MGAT4C: variants seen among roughly 807,000 people sequenced by gnomAD.
MGAT4C encodes the protein alpha-1,3-mannosyl-glycoprotein 4-beta-N-acetylglucosaminyltransferase C.
Under a neutral mutation model 40.1 loss-of-function variants are expected in MGAT4C, and 19 were observed. That is an observed-to-expected ratio of 0.47 (90% CI 0.33 to 0.70). The LOEUF is 0.70. Among genes scored for constraint, MGAT4C ranks in the 30% least tolerant of loss-of-function variants. The pLI is 0.02. For synonymous variants in MGAT4C, 181 were observed against 187.1 expected (o/e 0.97, Z 0.27); for missense variants, 491 against 563.2 (o/e 0.87, Z 1.30).
intron 3 of MGAT4C, among the ~76,000 whole-genome samples, chr12:86,432,078 T>C (rs1957049873): frequency 6.6e-6 from 1 of 151,946 alleles, no homozygotes; most frequent in African/African-American, 2.4e-5. Flanking sequence ...AAAACAAAGT[T>C]AGGAGAGTGT....
chr12:86,323,686 A>G lies in MGAT4C; in HGVS notation c.-57+10379T>C, dbSNP rs561045157. ...TATATAAATAGACGAAATACACAAT[A>G]TATCTTATTTTTGTATATTTACTAA... On this transcript the variant is annotated intron_variant, in intron 4 of 7. Coordinates refer to the MGAT4C transcript ENST00000548651. 1.2e-4 allele frequency among the ~76,000 whole-genome samples: 18 copies of G among 152,042 alleles called. No homozygotes were observed. The South Asian group carries it at 3.1e-3, about 26-fold the overall frequency.
chr12:85,956,359 A>C lies in MGAT4C; in HGVS notation c.*22930T>G, dbSNP rs1020788958. On this transcript the variant is annotated 3_prime_UTR_variant, in exon 5 of 5. Transcript: ENST00000611864. ...GTTGAAAAAACTAGGTGACTCATTT[A>C]TGCTAACATGGGAATCTGATTCTCA... The C allele has an allele frequency of 3.9e-5, 6 of 152,182 alleles. No individual in the cohort carries two copies. The highest frequency in any genetic ancestry group is 1.4e-4 in the African/African-American group (6 of 41,470). 9.4% of individuals were successfully genotyped at this position (152,182 alleles called of 1,614,324 possible). A position where few individuals can be genotyped will look rare whatever the true frequency, so the allele number is the denominator to read the frequency against.
intron 1 of MGAT4C, among the ~76,000 whole-genome samples, chr12:86,763,421 G>C (rs1393509389): frequency 6.6e-6 from 1 of 152,098 alleles, no homozygotes; most frequent in Non-Finnish European, 1.5e-5. Context: ...GTGGAATACA[G>C]TGCTCATTTG....
At chr12:86,141,084 G>A (rs532136445) in intron 1 of MGAT4C, among the ~76,000 whole-genome samples, 17 of 152,158 alleles carry the variant, frequency 1.1e-4, no homozygotes, top group Non-Finnish European at 2.4e-4. Context: ...GAGGAACATG[G>A]TTGAGCTAGC....
intron 2 of MGAT4C, among the ~76,000 whole-genome samples, chr12:86,468,411 C>A (rs902914682): frequency 1.3e-5 from 2 of 152,066 alleles, no homozygotes; most frequent in African/African-American, 4.8e-5. Context: ...CACAGTGCCC[C>A]CTATGTCATT....
intron 1 of MGAT4C, among the ~76,000 whole-genome samples, chr12:86,212,704 C>T (rs368219216): frequency 1.0e-4 from 14 of 135,120 alleles, no homozygotes; most frequent in South Asian, 7.4e-4. Flanking sequence ...CCGGCTAAAA[C>T]GGTGAAACCC....
At chr12:86,591,651 C>T (rs1593021124) in intron 2 of MGAT4C, among the ~76,000 whole-genome samples, 1 of 151,770 alleles carries the variant, frequency 6.6e-6, no homozygotes, top group African/African-American at 2.4e-5. Flanking sequence ...TAAACTAATA[C>T]ACATAAACTT....
intron 2 of MGAT4C, among the ~76,000 whole-genome samples, chr12:86,438,521 C>T (rs1339001487): frequency 6.6e-6 from 1 of 151,828 alleles, no homozygotes. Context: ...AATGAAACAG[C>T]CTTCTAATAG....
At chr12:86,181,699 A>G (rs1888143037) in intron 1 of MGAT4C, among the ~76,000 whole-genome samples, 1 of 152,118 alleles carries the variant, frequency 6.6e-6, no homozygotes, top group African/African-American at 2.4e-5. Context: ...ACAGACAAAG[A>G]AATCGATTGT....
chr12:86,474,139 A>G (rs1392021741), intron 2 of MGAT4C, among the ~76,000 whole-genome samples: 1 of 151,958 alleles, frequency 6.6e-6, no homozygotes, highest in African/African-American at 2.4e-5. Flanking sequence ...CAAAAATGAT[A>G]GACTGGATTA....
chr12:86,809,502 A>G (rs1338565069), intron 1 of MGAT4C, among the ~76,000 whole-genome samples: 1 of 152,006 alleles, frequency 6.6e-6, no homozygotes, highest in African/African-American at 2.4e-5. Flanking sequence ...TCCCACCAGC[A>G]ATATATGATT....
chr12:86,664,082 C>G (rs1371083631), intron 2 of MGAT4C, among the ~76,000 whole-genome samples: 1 of 151,908 alleles, frequency 6.6e-6, no homozygotes, highest in East Asian at 1.9e-4. Context: ...ACAATAACAA[C>G]AAACTGCTGG....
At chr12:86,240,869 G>A (rs563656196) in intron 1 of MGAT4C, among the ~76,000 whole-genome samples, 120 of 152,180 alleles carry the variant, frequency 7.9e-4, no homozygotes, top group African/African-American at 2.8e-3. Flanking sequence ...CACCCCTTCA[G>A]TATGGGACCA....
chr12:86,408,477 CTCTATATATA>C lies in MGAT4C; in HGVS notation c.-120+26670_-120+26679del, dbSNP rs1156514214. 9.2e-5 allele frequency among the ~76,000 whole-genome samples: 9 copies of C among 97,566 alleles called. No homozygotes were observed. The East Asian group carries it at 1.6e-3, about 17-fold the overall frequency. 64.0% of individuals were successfully genotyped at this position (97,566 alleles called of 152,430 possible). A position where few individuals can be genotyped will look rare whatever the true frequency, so the allele number is the denominator to read the frequency against. ...TCTCTCTCTCTCTCTCTCTCTCTCT[CTCTATATATA>C]TATATATATATATATATATATATAT... On this transcript the variant is annotated intron_variant, in intron 3 of 7. Coordinates refer to the MGAT4C transcript ENST00000548651.
chr12:86,673,634 G>A (rs1736354120), intron 2 of MGAT4C, among the ~76,000 whole-genome samples: 1 of 152,180 alleles, frequency 6.6e-6, no homozygotes, highest in Middle Eastern at 3.4e-3. Context: ...ACTTGCTTTA[G>A]ATAAACTTTA....
chr12:86,811,360 T>G (rs1952470421), intron 1 of MGAT4C, among the ~76,000 whole-genome samples: 1 of 134,860 alleles, frequency 7.4e-6, no homozygotes, highest in African/African-American at 2.7e-5. Flanking sequence ...TTTTTTTTCT[T>G]GAGACAGAGT....
chr12:86,283,267 A>T (rs1168072205), intron 4 of MGAT4C, among the ~76,000 whole-genome samples: 1 of 151,902 alleles, frequency 6.6e-6, no homozygotes, highest in Admixed American at 6.6e-5. Context: ...TCACATCCCT[A>T]TTCTGTTTGT....
intron 4 of MGAT4C, among the ~76,000 whole-genome samples, chr12:86,276,397 TA>T (rs1171394522): frequency 6.6e-6 from 1 of 152,176 alleles, no homozygotes; most frequent in East Asian, 1.9e-4. Context: ...TCACCTCAAG[TA>T]ATTTACCCTT....
At chr12:85,981,346 T>A (rs1884583015) in intron 4 of MGAT4C, among the ~76,000 whole-genome samples, 1 of 152,220 alleles carries the variant, frequency 6.6e-6, no homozygotes, top group Non-Finnish European at 1.5e-5. Flanking sequence ...ATAACATTTC[T>A]AAGCCACTAT....
Sources: allele counts gnomAD v4.1 joint callset (sites outside exome capture counted in the v4.1 genomes callset), GRCh38; gene constraint gnomAD v4.1.1; transcripts MANE v1.5; gene names NCBI Gene and HGNC (gene_info 2026-07-23, HGNC 2026-07-21).